APBA1: variants seen among roughly 807,000 people sequenced by gnomAD.
The protein encoded by APBA1 is amyloid-beta A4 precursor protein-binding family A member 1.
A neutral mutation model predicts 86.6 loss-of-function variants in APBA1; 55 were observed. That is an observed-to-expected ratio of 0.64 (90% CI 0.51 to 0.80). The LOEUF (loss-of-function observed/expected upper bound fraction) is 0.80. Among genes scored for constraint, APBA1 ranks in the 30% least tolerant of loss-of-function variants. The probability of loss-of-function intolerance (pLI) is 0.00; values close to 1 mark genes in which losing one functional copy is unlikely to be tolerated. For missense variants in APBA1, 1,090 were observed against 1,183.0 expected (o/e 0.92, Z 1.15); for synonymous variants, 511 against 493.9 (o/e 1.03, Z -0.46).
intron 11 of APBA1, among the ~76,000 whole-genome samples, chr9:69,433,119 G>C (rs1834634256): frequency 6.6e-6 from 1 of 152,176 alleles, no homozygotes; most frequent in African/African-American, 2.4e-5. Context: ...AGCCACCATG[G>C]GGCTGGAACT....
rs139902820 is a variant in APBA1 at position 69,502,017 on chromosome 9, T to C, written c.1200+13994A>G. Reference sequence around the variant, plus strand: ...ATTTATTTCCCTGTTGTTTGTCCCATCACTTCTTGGCACAGTTTCACATAT... The same window carrying C: ...ATTTATTTCCCTGTTGTTTGTCCCACCACTTCTTGGCACAGTTTCACATAT... On this transcript the variant is annotated intron_variant, in intron 2 of 12. Transcript: ENST00000265381. 3.2e-3 allele frequency among the ~76,000 whole-genome samples: 480 copies of C among 152,046 alleles called. 3 individuals are homozygous for C. Among genetic ancestry groups the C allele is most frequent in the African/African-American group, 0.011 (453 of 41,484 alleles).
At chr9:69,601,185 G>A (rs1244813448) in intron 1 of APBA1, among the ~76,000 whole-genome samples, 1 of 152,186 alleles carries the variant, frequency 6.6e-6, no homozygotes, top group African/African-American at 2.4e-5. Flanking sequence ...AACACAAGAA[G>A]TTAATCTATT....
At chr9:69,445,820 A>T (rs1056108330) in intron 10 of APBA1, among the ~76,000 whole-genome samples, 1 of 152,338 alleles carries the variant, frequency 6.6e-6, no homozygotes, top group African/African-American at 2.4e-5. Context: ...AAGTGGCCAG[A>T]TGCAGAATGC....
chr9:69,576,608 A>G (rs1386060180), intron 1 of APBA1, among the ~76,000 whole-genome samples: 1 of 152,200 alleles, frequency 6.6e-6, no homozygotes, highest in African/African-American at 2.4e-5. Context: ...TCGCAAGGAC[A>G]AAAAACCAAA....
In APBA1 at chr9:69,672,167, G is replaced by C. The variant is rs1354840883; in HGVS notation, c.-84C>G. On this transcript the variant is annotated 5_prime_UTR_variant, in exon 1 of 13. Coordinates refer to ENST00000265381, the MANE Select transcript of APBA1 (RefSeq NM_001163.4). ...GGCTGTGGTACCTTGCCTGACAGCT[G>C]GGTCCGCGGGCCCGCGGGAGCAGGC... The C allele has an allele frequency of 6.5e-6, 1 of 154,094 alleles. No individual in the cohort carries two copies. The highest frequency in any genetic ancestry group is 1.5e-5 in the Non-Finnish European group (1 of 68,630). The allele number at this position is 154,094 out of a possible 1,614,324, so 9.5% of individuals were successfully genotyped here.
intron 2 of APBA1, among the ~76,000 whole-genome samples, chr9:69,482,140 G>C (rs1835521172): frequency 6.6e-6 from 1 of 151,872 alleles, no homozygotes; most frequent in Non-Finnish European, 1.5e-5. Context: ...TTAAACTAAA[G>C]AGCTTCTGCA....
chr9:69,485,953 A>AT (rs1219679150), intron 2 of APBA1, among the ~76,000 whole-genome samples: 1 of 151,638 alleles, frequency 6.6e-6, no homozygotes, highest in Non-Finnish European at 1.5e-5. Context: ...ATTCATTTTA[A>AT]TTCTTTTTTT....
At chr9:69,560,255 T>C (rs1156691340) in intron 1 of APBA1, among the ~76,000 whole-genome samples, 1 of 152,242 alleles carries the variant, frequency 6.6e-6, no homozygotes, top group Non-Finnish European at 1.5e-5. Flanking sequence ...ATCTTTATTA[T>C]GACTTTTTAA....
At chr9:69,488,689 C>T (rs1388460404) in intron 2 of APBA1, among the ~76,000 whole-genome samples, 2 of 152,162 alleles carry the variant, frequency 1.3e-5, no homozygotes, top group Non-Finnish European at 2.9e-5. Context: ...GGCCAGAAAC[C>T]CTTCTAGTGG....
intron 1 of APBA1, among the ~76,000 whole-genome samples, chr9:69,562,116 G>C (rs1836955664): frequency 6.6e-6 from 1 of 152,016 alleles, no homozygotes; most frequent in Non-Finnish European, 1.5e-5. Flanking sequence ...TATTTTCCAT[G>C]TACATTCAAA....
At chr9:69,444,329 T>C (rs1333554383) in intron 10 of APBA1, among the ~76,000 whole-genome samples, 3 of 152,224 alleles carry the variant, frequency 2.0e-5, no homozygotes, top group African/African-American at 4.8e-5. Flanking sequence ...AGGCCTTCCA[T>C]ATGCGGCAGA....
At chr9:69,436,442 T>A (rs1042460360) in intron 11 of APBA1, among the ~76,000 whole-genome samples, 2 of 152,044 alleles carry the variant, frequency 1.3e-5, no homozygotes, top group African/African-American at 4.8e-5. Flanking sequence ...CTTTGTATCC[T>A]CCTTTATTTC....
chr9:69,651,449 G>A (rs943035991), intron 1 of APBA1, among the ~76,000 whole-genome samples: 5 of 151,966 alleles, frequency 3.3e-5, no homozygotes, highest in Non-Finnish European at 2.9e-5. Context: ...CAATCTTCCC[G>A]ACCAGTAATT....
chr9:69,596,017 T>C (rs1822221437), intron 1 of APBA1, among the ~76,000 whole-genome samples: 1 of 152,196 alleles, frequency 6.6e-6, no homozygotes, highest in Non-Finnish European at 1.5e-5. Flanking sequence ...AGACAAGGTC[T>C]AGTTCTGTCA....
At chr9:69,665,643 T>C (rs758197884) in intron 1 of APBA1, among the ~76,000 whole-genome samples, 1 of 152,132 alleles carries the variant, frequency 6.6e-6, no homozygotes, top group Non-Finnish European at 1.5e-5. Flanking sequence ...ATCTTATACT[T>C]GAGAATGGAA....
intron 4 of APBA1, among the ~76,000 whole-genome samples, chr9:69,469,556 CTG>C (rs1156306723): frequency 6.6e-6 from 1 of 152,228 alleles, no homozygotes; most frequent in African/African-American, 2.4e-5. Flanking sequence ...GAAGCTAACA[CTG>C]TGAGTGGTAC....
At chr9:69,566,334 A>C (rs1367782021) in intron 1 of APBA1, among the ~76,000 whole-genome samples, 2 of 152,164 alleles carry the variant, frequency 1.3e-5, no homozygotes, top group African/African-American at 4.8e-5. Context: ...CCATCATGAC[A>C]TTAACCCAGG....
intron 1 of APBA1, among the ~76,000 whole-genome samples, chr9:69,595,678 C>T (rs1406903670): frequency 6.6e-6 from 1 of 152,088 alleles, no homozygotes. Context: ...TAGCTATATC[C>T]ACAGTGAGGC....
At chr9:69,637,232 G>A (rs1823198001) in intron 1 of APBA1, among the ~76,000 whole-genome samples, 1 of 152,166 alleles carries the variant, frequency 6.6e-6, no homozygotes, top group African/African-American at 2.4e-5. Context: ...AAGGGTTGGG[G>A]AGGATGAAGT....
Sources: gnomAD v4.1 joint callset for allele counts (sites outside exome capture counted in the v4.1 genomes callset) on GRCh38, gnomAD v4.1.1 for gene constraint, MANE v1.5 for transcripts, NCBI Gene and HGNC (gene_info 2026-07-23, HGNC 2026-07-21) for gene names.